The following CPNE4 variants were observed in gnomAD, a reference collection of about 807,000 sequenced individuals.
CPNE4 encodes the protein copine-4.
A neutral mutation model predicts 67.9 loss-of-function variants in CPNE4; 25 were observed. That is an observed-to-expected ratio of 0.37 (90% confidence interval 0.27 to 0.51). The LOEUF (loss-of-function observed/expected upper bound fraction) is 0.51. CPNE4 is among the 20% of genes least tolerant of loss of function. CPNE4 has a pLI of 0.93. For missense variants in CPNE4, 464 were observed against 690.8 expected, an observed-to-expected ratio of 0.67 and a Z score of 3.68; for synonymous variants, 242 against 244.9, an observed-to-expected ratio of 0.99 and a Z score of 0.11.
chr3:131,870,375 A>G (rs1478249339), intron 2 of CPNE4, among the ~76,000 whole-genome samples: 2 of 152,194 alleles, frequency 1.3e-5, no homozygotes. Flanking sequence ...GACAGAAGCC[A>G]TACTTACACA....
intron 2 of CPNE4, among the ~76,000 whole-genome samples, chr3:131,865,237 G>C (rs991148710): frequency 3.9e-5 from 6 of 152,128 alleles, no homozygotes; most frequent in Admixed American, 2.0e-4. Context: ...AGTTAAGGAG[G>C]ATTCCCTCTT....
rs745942530 is a variant in CPNE4 at position 131,542,632 on chromosome 3, C to A, written c.1464G>T (p.Gly488=). The A allele has an allele frequency of 3.1e-6, 5 of 1,614,098 alleles. No homozygotes were observed. The South Asian group carries it at 3.3e-5, about 11-fold the overall frequency. ...GCTCTCCCTTGGGTGACCTCAGAATCCCATCATCACCGTCCAGCATCTGCA... is the reference window on the plus strand; with the variant it reads ...GCTCTCCCTTGGGTGACCTCAGAATACCATCATCACCGTCCAGCATCTGCA... The part of the protein sequence containing the change: ...SDMQMLDGDD[G]ILRSPKGEPV... The change falls in exon 15 of 16, where the codon GGG becomes GGT. Residue 488 remains glycine (G), a synonymous_variant. Coordinates refer to ENST00000429747, the MANE Select transcript of CPNE4 (RefSeq NM_130808.3).
At chr3:131,636,080 CAAAA>C in intron 7 of CPNE4, among the ~76,000 whole-genome samples, 2 of 52,842 alleles carry the variant, frequency 3.8e-5, no homozygotes, top group Non-Finnish European at 6.0e-5. Flanking sequence ...GACTCCGTCT[CAAAA>C]AAAAAAAAAA....
intron 7 of CPNE4, among the ~76,000 whole-genome samples, chr3:131,588,546 C>T (rs1261327777): frequency 2.0e-5 from 3 of 152,144 alleles, no homozygotes; most frequent in African/African-American, 4.8e-5. Context: ...TTCTTCAGGG[C>T]GCAGATCCCA....
chr3:131,867,600 T>G (rs560908350), intron 2 of CPNE4, among the ~76,000 whole-genome samples: 1 of 152,282 alleles, frequency 6.6e-6, no homozygotes, highest in African/African-American at 2.4e-5. Flanking sequence ...CAGAAAATGC[T>G]AGTAACTTTC....
chr3:131,973,381 C>G (rs981619846), intron 1 of CPNE4, among the ~76,000 whole-genome samples: 1 of 152,008 alleles, frequency 6.6e-6, no homozygotes, highest in Non-Finnish European at 1.5e-5. Flanking sequence ...CAAGAAGAAT[C>G]AATGTAGTAA....
chr3:131,866,816 C>T (rs183734003), intron 2 of CPNE4, among the ~76,000 whole-genome samples: 1 of 152,146 alleles, frequency 6.6e-6, no homozygotes, highest in African/African-American at 2.4e-5. Flanking sequence ...GACTATTTCT[C>T]ACTTAGCACA....
At chr3:131,833,938 G>A (rs1457006215) in intron 2 of CPNE4, among the ~76,000 whole-genome samples, 3 of 152,146 alleles carry the variant, frequency 2.0e-5, no homozygotes, top group African/African-American at 4.8e-5. Flanking sequence ...GAGCAATTGA[G>A]GGTGAAGATA....
intron 1 of CPNE4, among the ~76,000 whole-genome samples, chr3:132,010,639 A>G (rs1466166471): frequency 6.6e-6 from 1 of 152,110 alleles, no homozygotes; most frequent in African/African-American, 2.4e-5. Context: ...TCAGGGAGAA[A>G]AGATTGTCGA....
intron 2 of CPNE4, among the ~76,000 whole-genome samples, chr3:131,876,872 C>G (rs947431349): frequency 6.6e-6 from 1 of 152,114 alleles, no homozygotes; most frequent in Non-Finnish European, 1.5e-5. Context: ...AGAAGATGCA[C>G]CAGCACCAGC....
chr3:131,796,918 A>G (rs772200301), intron 2 of CPNE4, among the ~76,000 whole-genome samples: 12 of 152,214 alleles, frequency 7.9e-5, no homozygotes, highest in Admixed American at 6.5e-5. Context: ...TTTCTTTGCA[A>G]AAGTAACAAT....
Position 131,662,625 on chromosome 3 carries a change from A to AAAAAC in CPNE4, c.681+7049_681+7050insGTTTT, listed in dbSNP as rs150290918. Among the ~76,000 whole-genome samples the AAAAAC allele has an allele frequency of 1.7e-3, 262 of 151,784 alleles. 1 individual carries two copies. The highest frequency in any genetic ancestry group is 5.7e-3 in the African/African-American group (234 of 41,316). On this transcript the variant is annotated intron_variant, in intron 7 of 15. Transcript: ENST00000429747. ...GGAACTTAAACAAATTTACAAGAAA[A>AAAAAC]AAACAACCCCATCAAAACTGGGTGA...
intron 15 of CPNE4, among the ~76,000 whole-genome samples, chr3:131,541,062 G>C (rs1000684682): frequency 1.3e-5 from 2 of 152,190 alleles, no homozygotes; most frequent in Admixed American, 1.3e-4. Flanking sequence ...CAGCAGTGCA[G>C]AGGGCAAGGC....
intron 7 of CPNE4, among the ~76,000 whole-genome samples, chr3:131,649,368 G>T (rs1178760286): frequency 6.6e-6 from 1 of 152,176 alleles, no homozygotes; most frequent in Non-Finnish European, 1.5e-5. Context: ...TGAAGTAGAA[G>T]AATTCAGGAC....
chr3:131,812,295 G>T (rs1039499524), intron 2 of CPNE4, among the ~76,000 whole-genome samples: 2 of 151,686 alleles, frequency 1.3e-5, no homozygotes, highest in Admixed American at 6.6e-5. Context: ...AGACATTAAG[G>T]TGAAAGCAAA....
At chr3:131,700,147 G>T (rs189255789) in intron 3 of CPNE4, among the ~76,000 whole-genome samples, 167 bp from the exon 4 acceptor site, 2 of 143,258 alleles carry the variant, frequency 1.4e-5, no homozygotes, top group Admixed American at 1.4e-4. Flanking sequence ...TCCTAATATA[G>T]GTTATTCCCT....
intron 2 of CPNE4, among the ~76,000 whole-genome samples, chr3:131,738,710 T>G (rs1377401585): frequency 6.6e-6 from 1 of 152,230 alleles, no homozygotes; most frequent in Non-Finnish European, 1.5e-5. Context: ...GGGATATGTT[T>G]AGTGGTTATG....
chr3:132,033,611 T>C (rs2074287026), intron 1 of CPNE4, among the ~76,000 whole-genome samples: 1 of 152,166 alleles, frequency 6.6e-6, no homozygotes, highest in South Asian at 2.1e-4. Context: ...CCCTGGAGCC[T>C]AGCAGGTTCT....
rs778805293 is a variant in CPNE4, at chr3:131,535,180, A to T, written c.*15T>A. 6.3e-7 allele frequency: 1 copy of T among 1,596,302 alleles called. No homozygotes were observed. Among genetic ancestry groups the T allele is most frequent in the South Asian group, 1.1e-5 (1 of 87,332 alleles). On this transcript the variant is annotated 3_prime_UTR_variant, in exon 16 of 16. Transcript: ENST00000429747. ...GGAATAGTATTTCAGAACTCTGTAAAACTGTGTGGGGAGTTCATGGTGCTA... is the reference window on the plus strand; with the variant it reads ...GGAATAGTATTTCAGAACTCTGTAATACTGTGTGGGGAGTTCATGGTGCTA...
Sources: allele counts gnomAD v4.1 joint callset (sites outside exome capture counted in the v4.1 genomes callset), GRCh38; gene constraint gnomAD v4.1.1; transcripts MANE v1.5; gene names NCBI Gene and HGNC (gene_info 2026-07-23, HGNC 2026-07-21).